The following SCAPER variants were observed in gnomAD, a reference collection of about 807,000 sequenced individuals.
The protein encoded by SCAPER is S phase cyclin A-associated protein in the endoplasmic reticulum.
In SCAPER, 98 loss-of-function variants were observed where a neutral mutation model predicts 182.2. The ratio of observed to expected loss-of-function variants is 0.54; its 90% CI spans 0.46 to 0.64. The LOEUF (loss-of-function observed/expected upper bound fraction) is 0.64, where lower values mean the gene tolerates loss of function less well. Among genes scored for constraint, SCAPER ranks in the 30% least tolerant of loss-of-function variants. SCAPER has a pLI of 0.00. For missense variants in SCAPER, 1,432 were observed against 1,690.0 expected (o/e 0.85, Z 2.68); for synonymous variants, 605 against 564.6 (o/e 1.07, Z -1.01).
intron 18 of SCAPER, among the ~76,000 whole-genome samples, chr15:76,703,216 G>A (rs1477396502): frequency 6.6e-6 from 1 of 152,116 alleles, no homozygotes; most frequent in African/African-American, 2.4e-5. Flanking sequence ...ATATTAACAA[G>A]TGTTTTACAG....
intron 5 of SCAPER, among the ~76,000 whole-genome samples, chr15:76,837,573 C>G (rs1230855404): frequency 1.3e-5 from 2 of 152,132 alleles, no homozygotes; most frequent in Non-Finnish European, 2.9e-5. Flanking sequence ...AATTACCTCC[C>G]ACGATATGTG....
At chr15:76,714,543 A>G (rs1182111287) in intron 17 of SCAPER, among the ~76,000 whole-genome samples, 1 of 151,696 alleles carries the variant, frequency 6.6e-6, no homozygotes, top group Non-Finnish European at 1.5e-5. Flanking sequence ...TGGTAGTAGT[A>G]GTAGTAGTAG....
intron 15 of SCAPER, among the ~76,000 whole-genome samples, chr15:76,743,704 T>C (rs1444488681): frequency 6.6e-6 from 1 of 152,072 alleles, no homozygotes; most frequent in African/African-American, 2.4e-5. Context: ...TCAGTATCAT[T>C]AAAATCGCCA....
intron 20 of SCAPER, among the ~76,000 whole-genome samples, chr15:76,691,026 T>C (rs1328618940): frequency 1.3e-5 from 2 of 152,056 alleles, no homozygotes; most frequent in African/African-American, 4.8e-5. Flanking sequence ...CTTTTCAACA[T>C]TGCAATGAGG....
intron 24 of SCAPER, among the ~76,000 whole-genome samples, chr15:76,478,244 T>G (rs1281646635): frequency 6.6e-6 from 1 of 152,002 alleles, no homozygotes; most frequent in Non-Finnish European, 1.5e-5. Context: ...ATTTTAAAAT[T>G]TGGGGAGGAG....
intron 18 of SCAPER, among the ~76,000 whole-genome samples, chr15:76,705,489 G>GTA (rs1042928625): frequency 6.6e-6 from 1 of 150,954 alleles, no homozygotes; most frequent in Non-Finnish European, 1.5e-5. Context: ...CATGGCACAT[G>GTA]TATATATATG....
intron 18 of SCAPER, among the ~76,000 whole-genome samples, chr15:76,704,795 A>G (rs1472724459): frequency 6.6e-6 from 1 of 152,236 alleles, no homozygotes; most frequent in Non-Finnish European, 1.5e-5. Flanking sequence ...ACATGAAAAA[A>G]TGCTCATCAT....
chr15:76,664,499 A>G (rs1218397722), intron 21 of SCAPER, among the ~76,000 whole-genome samples: 3 of 152,156 alleles, frequency 2.0e-5, no homozygotes, highest in Non-Finnish European at 4.4e-5. Flanking sequence ...TGGCAAGAAG[A>G]AAGAGCAGGT....
At chr15:76,554,063 A>G (rs994594681) in intron 23 of SCAPER, among the ~76,000 whole-genome samples, 12 of 152,184 alleles carry the variant, frequency 7.9e-5, no homozygotes, top group African/African-American at 2.7e-4. Context: ...TCAAAATCCA[A>G]TCCAAGGAAT....
intron 5 of SCAPER, among the ~76,000 whole-genome samples, chr15:76,831,542 C>A (rs962582451): frequency 6.6e-6 from 1 of 150,490 alleles, no homozygotes; most frequent in Non-Finnish European, 1.5e-5. Context: ...ACCAACCCCT[C>A]CCCCTCAATC....
chr15:76,727,077 G>T (rs2060639234), intron 17 of SCAPER, among the ~76,000 whole-genome samples: 1 of 151,866 alleles, frequency 6.6e-6, no homozygotes, highest in Admixed American at 6.6e-5. Flanking sequence ...TACTTGGCTT[G>T]AACATGTAAG....
At chr15:76,638,100 T>C (rs1053906861) in intron 21 of SCAPER, among the ~76,000 whole-genome samples, 4 of 152,094 alleles carry the variant, frequency 2.6e-5, no homozygotes, top group Admixed American at 1.3e-4. Flanking sequence ...TGGGTTGTCT[T>C]TTTGCTTTCT....
At position 76,636,458 on chromosome 15, in the gene SCAPER, T is replaced by TAA. The variant is rs201439664; in HGVS notation, c.2646-14631_2646-14630dup. Among the ~76,000 whole-genome samples the TAA allele has an allele frequency of 1.4e-4, 20 of 143,526 alleles. 1 individual carries two copies. The highest frequency in any genetic ancestry group is 1.3e-3 in the Admixed American group (19 of 14,460). The allele number at this position is 143,526 out of a possible 152,430, so 94.2% of individuals were successfully genotyped here. ...TGACTAAGTACATTTACCTTTAAAT[T>TAA]AAAAAAAAAAAAAAATCTCTCAGGT... On this transcript the variant is annotated intron_variant, in intron 21 of 31. Transcript: ENST00000563290.
rs182013549 is a variant in SCAPER, at chr15:76,529,660, G to A, written c.2839-24686C>T. ...GGAAAAAGTCATGCAACTATCTTGA[G>A]AAAGAACTTTCAGGCAGAGAGAAGA... On this transcript the variant is annotated intron_variant, in intron 23 of 31. Transcript: ENST00000563290. Among the ~76,000 whole-genome samples, 10 of 152,304 alleles carry A rather than the reference G, an allele frequency of 6.6e-5. 1 individual carries two copies. In the East Asian group the frequency reaches 1.9e-3, roughly 29 times the overall value.
At chr15:76,680,641 C>T (rs1005633298) in intron 20 of SCAPER, among the ~76,000 whole-genome samples, 6 of 151,926 alleles carry the variant, frequency 3.9e-5, no homozygotes, top group Admixed American at 1.3e-4. Context: ...GCGGTGAGTC[C>T]TTCCTCTATT....
At position 76,673,950 on chromosome 15, in the gene SCAPER, T is replaced by TACACAC. The variant is rs1491530396; in HGVS notation, c.2509-8162_2509-8161insGTGTGT. ...TAAATCCATCAATTCATAATTTATC[T>TACACAC]ATACACACACACACACACACACACA... On this transcript the variant is annotated intron_variant, in intron 20 of 31. Coordinates refer to ENST00000563290, the MANE Select transcript of SCAPER (RefSeq NM_020843.4). Among the ~76,000 whole-genome samples the TACACAC allele has an allele frequency of 3.0e-4, 23 of 77,064 alleles. No homozygotes were observed. The South Asian group carries it at 7.8e-3, about 26-fold the overall frequency. 50.6% of individuals were successfully genotyped at this position (77,064 alleles called of 152,430 possible).
chr15:76,849,072 T>TA (rs1217660713), intron 4 of SCAPER, among the ~76,000 whole-genome samples: 1 of 152,120 alleles, frequency 6.6e-6, no homozygotes, highest in East Asian at 1.9e-4. Context: ...CACTCAAACT[T>TA]AGAGTACATC....
At chr15:76,453,777 T>C (rs1040094319) in intron 25 of SCAPER, among the ~76,000 whole-genome samples, 3 of 152,208 alleles carry the variant, frequency 2.0e-5, no homozygotes, top group African/African-American at 7.2e-5. Context: ...TTCATTCTTC[T>C]TGGGAGATGG....
chr15:76,403,149 T>C (rs1242141483), intron 27 of SCAPER, among the ~76,000 whole-genome samples: 2 of 152,206 alleles, frequency 1.3e-5, no homozygotes, highest in Non-Finnish European at 2.9e-5. Flanking sequence ...GACACCTCCA[T>C]GGAGGGGCCT....
Sources: gnomAD v4.1 joint callset for allele counts (sites outside exome capture counted in the v4.1 genomes callset) on GRCh38, gnomAD v4.1.1 for gene constraint, MANE v1.5 for transcripts, NCBI Gene and HGNC (gene_info 2026-07-23, HGNC 2026-07-21) for gene names.